The following KCNK9 variants were observed in gnomAD, a reference collection of about 807,000 sequenced individuals.
KCNK9 encodes potassium two pore domain channel subfamily K member 9.
A neutral mutation model predicts 10.8 loss-of-function variants in KCNK9; 1 was observed. That is an observed-to-expected ratio of 0.09 (90% CI 0.03 to 0.44). The LOEUF is 0.44. Among genes scored for constraint, KCNK9 ranks in the 20% least tolerant of loss-of-function variants. KCNK9 has a pLI of 0.97. For synonymous variants in KCNK9, 231 were observed against 222.7 expected, an observed-to-expected ratio of 1.04 and a Z score of -0.33; for missense variants, 303 against 515.0, an observed-to-expected ratio of 0.59 and a Z score of 3.98.
At chr8:139,649,089 G>A (rs563129583) in intron 1 of KCNK9, among the ~76,000 whole-genome samples, 9 of 152,206 alleles carry the variant, frequency 5.9e-5, no homozygotes, top group South Asian at 4.2e-4. Context: ...CCCCATCCCC[G>A]ACGCCGTGGC....
At chr8:139,658,429 C>T (rs16911138) in intron 1 of KCNK9, among the ~76,000 whole-genome samples, 4,210 of 152,310 alleles carry the variant, frequency 0.028, 120 homozygotes, top group African/African-American at 0.075. Flanking sequence ...TGTTGCTGAA[C>T]ACAAGGAAAC....
chr8:139,651,216 C>T (rs925305433), intron 1 of KCNK9, among the ~76,000 whole-genome samples: 1 of 152,204 alleles, frequency 6.6e-6, no homozygotes, highest in African/African-American at 2.4e-5. Flanking sequence ...AGTGAAGGCA[C>T]CTTGAAGATC....
intron 1 of KCNK9, among the ~76,000 whole-genome samples, chr8:139,659,169 G>A (rs1165556349): frequency 2.0e-5 from 3 of 152,332 alleles, no homozygotes; most frequent in African/African-American, 4.8e-5. Flanking sequence ...AAACACCTGC[G>A]TGGATACGAC....
At chr8:139,660,450 ATAT>A (rs1326671507) in intron 1 of KCNK9, among the ~76,000 whole-genome samples, 4 of 126,244 alleles carry the variant, frequency 3.2e-5, no homozygotes, top group Admixed American at 8.6e-5. Context: ...CTAAAAAAAA[ATAT>A]ATATATATAT....
chr8:139,641,397 G>A (rs1297973115), intron 1 of KCNK9, among the ~76,000 whole-genome samples: 1 of 152,162 alleles, frequency 6.6e-6, no homozygotes, highest in Admixed American at 6.6e-5. Context: ...GCTCAGCCCA[G>A]ACAATCAAGC....
intron 1 of KCNK9, among the ~76,000 whole-genome samples, chr8:139,643,151 CCT>C (rs998282286): frequency 2.0e-5 from 3 of 152,200 alleles, no homozygotes; most frequent in Admixed American, 2.0e-4. Flanking sequence ...TTCTCACTCC[CCT>C]GTTCCATTCC....
intron 1 of KCNK9, among the ~76,000 whole-genome samples, chr8:139,658,463 G>A (rs76841658): frequency 0.028 from 4,277 of 152,226 alleles, 130 homozygotes; most frequent in African/African-American, 0.076. Flanking sequence ...CAGGCTACAC[G>A]GGTCACGCCT....
At chr8:139,669,434 T>C (rs1816377388) in intron 1 of KCNK9, among the ~76,000 whole-genome samples, 1 of 152,250 alleles carries the variant, frequency 6.6e-6, no homozygotes, top group Admixed American at 6.5e-5. Context: ...TGGAATATTC[T>C]AAATCCCTTG....
At chr8:139,665,697 G>A (rs994308266) in intron 1 of KCNK9, among the ~76,000 whole-genome samples, 1 of 152,196 alleles carries the variant, frequency 6.6e-6, no homozygotes, top group Non-Finnish European at 1.5e-5. Context: ...TGTAAAATGA[G>A]GTGGCCGTGC....
chr8:139,607,971 TG>T (rs1408982313), downstream of KCNK9, among the ~76,000 whole-genome samples: 1 of 152,086 alleles, frequency 6.6e-6, no homozygotes, highest in African/African-American at 2.4e-5. Context: ...CAGGGTTGGG[TG>T]CTTAGGAAGG....
intron 1 of KCNK9, among the ~76,000 whole-genome samples, chr8:139,643,187 G>A (rs1815562476): frequency 6.6e-6 from 1 of 152,152 alleles, no homozygotes; most frequent in Non-Finnish European, 1.5e-5. Flanking sequence ...CAAAGCAGGG[G>A]CTGCACACCA....
At chr8:139,632,988 G>A (rs565881220) in intron 1 of KCNK9, among the ~76,000 whole-genome samples, 15 of 152,078 alleles carry the variant, frequency 9.9e-5, no homozygotes, top group African/African-American at 1.4e-4. Context: ...AGAACCCCTC[G>A]GTTTGGTGCA....
At chr8:139,662,873 AGG>A (rs1410454061) in intron 1 of KCNK9, among the ~76,000 whole-genome samples, 1 of 12,416 alleles carries the variant, frequency 8.1e-5, no homozygotes, top group Non-Finnish European at 1.5e-4. Flanking sequence ...GGGTGGGGGA[AGG>A]GGGGGGGGCT....
intron 1 of KCNK9, 89 bp from the exon 2 acceptor site, chr8:139,619,188 G>A: frequency 7.1e-7 from 1 of 1,410,618 alleles, no homozygotes; most frequent in Non-Finnish European, 9.8e-7. Flanking sequence ...GTGCAGTGCA[G>A]TGCAATGCAG....
chr8:139,697,347 T>TTGGATGGATGGA (rs75812728), intron 1 of KCNK9, among the ~76,000 whole-genome samples: 2 of 143,674 alleles, frequency 1.4e-5, no homozygotes, highest in African/African-American at 2.6e-5. Context: ...GAGTGGATGG[T>TTGGATGGATGGA]TGGATGGATG....
intron 1 of KCNK9, among the ~76,000 whole-genome samples, chr8:139,621,178 C>T (rs1814764360): frequency 6.6e-6 from 1 of 151,844 alleles, no homozygotes; most frequent in Non-Finnish European, 1.5e-5. Flanking sequence ...GTAGCCCTAA[C>T]TACACAGGAG....
rs571338439 is a variant in KCNK9 at position 139,702,160 on chromosome 8, G to T, written c.283+550C>A. Among the ~76,000 whole-genome samples, 1 of 152,194 alleles carries T rather than the reference G, an allele frequency of 6.6e-6. No individual in the cohort carries two copies. The highest frequency in any genetic ancestry group is 1.5e-5 in the Non-Finnish European group (1 of 68,018). ...CTCAGGGGAAAAAAGGAGCCGGGCG[G>T]GGGGAAGAGAGATGAAATCTGAGCT... On this transcript the variant is annotated intron_variant, in intron 1 of 1. Transcript: ENST00000520439. The surrounding 1 kb of genome is among the most constrained non-coding windows in gnomAD (Gnocchi z 7.5).
rs765959700 is a variant in KCNK9, at chr8:139,702,938, G to A, written c.55C>T (p.Leu19=). 10 of 1,612,146 alleles carry A rather than the reference G, an allele frequency of 6.2e-6. No individual in the cohort carries two copies. Among genetic ancestry groups the A allele is most frequent in the Non-Finnish European group, 6.8e-6 (8 of 1,179,366 alleles). ...LSLIVCTFTY[L]LVGAAVFDAL... is the part of the protein sequence containing the mutation. ...TCGAACACGGCGGCGCCCACCAGCA[G>A]GTAGGTGAAGGTGCAGACGATGAGG... is the stretch of plus-strand genomic sequence containing the variant. The change falls in exon 1 of 2, where the codon CTG becomes TTG. Residue 19 remains leucine (L), a synonymous_variant. Transcript: ENST00000520439. This position sits in a 1 kb window ranked among gnomAD's most constrained non-coding sequence, Gnocchi z 7.5.
At chr8:139,638,522 C>G (rs1815403135) in intron 1 of KCNK9, among the ~76,000 whole-genome samples, 1 of 152,216 alleles carries the variant, frequency 6.6e-6, no homozygotes, top group African/African-American at 2.4e-5. Flanking sequence ...TCAACTCAAA[C>G]CAGAGCAGGA....
Sources: gnomAD v4.1 joint callset for allele counts (sites outside exome capture counted in the v4.1 genomes callset) on GRCh38, gnomAD v4.1.1 for gene constraint, Gnocchi (gnomAD v3.1) non-coding constraint, MANE v1.5 for transcripts, NCBI Gene and HGNC (gene_info 2026-07-23, HGNC 2026-07-21) for gene names.